SYNE1: variants seen among roughly 807,000 people sequenced by gnomAD.
The protein encoded by SYNE1 is spectrin repeat containing nuclear envelope protein 1, also known as nesprin-1.
SYNE1 carries 616 observed loss-of-function variants against 1,111.0 expected under a neutral mutation model. The ratio of observed to expected loss-of-function variants is 0.55; its 90% CI spans 0.52 to 0.59. The LOEUF is 0.59. Ranked by LOEUF, SYNE1 falls within the 20% of genes least tolerant of loss-of-function variation. SYNE1 has a pLI of 0.00. For synonymous variants in SYNE1, 3,855 were observed against 3,825.8 expected, an observed-to-expected ratio of 1.01 and a Z score of -0.28; for missense variants, 10,006 against 10,417.0, an observed-to-expected ratio of 0.96 and a Z score of 1.72.
chr6:152,194,301 T>C (rs975676979), intron 127 of SYNE1, among the ~76,000 whole-genome samples: 2 of 152,222 alleles, frequency 1.3e-5, no homozygotes, highest in African/African-American at 4.8e-5. Context: ...CAGGTTTTTT[T>C]CTTCAGCACC....
intron 14 of SYNE1, among the ~76,000 whole-genome samples, chr6:152,482,364 TG>T (rs1443077841): frequency 6.6e-6 from 1 of 152,230 alleles, no homozygotes; most frequent in Non-Finnish European, 1.5e-5. Context: ...AAAATATACA[TG>T]GGCTATACAT....
In SYNE1 at chr6:152,323,681, T is replaced by G. The variant is rs1401154492; in HGVS notation, c.15714A>C (p.Ser5238=). The change falls in exon 82 of 146, where the codon TCA becomes TCC. Residue 5238 remains serine, a synonymous_variant. Transcript: ENST00000367255. Reference sequence around the variant, plus strand: ...GCTCTGCTTTCGATGCTTTCTCTGCTGAACTTCCAGGTAACTTATCTTGCA... The same window carrying G: ...GCTCTGCTTTCGATGCTTTCTCTGCGGAACTTCCAGGTAACTTATCTTGCA... ...DQLQDKLPGS[S]AEKASKAELL... 6.2e-6 allele frequency: 10 copies of G among 1,614,138 alleles called. No individual in the cohort carries two copies. In the African/African-American group the frequency reaches 1.3e-4, roughly 22 times the overall value.
At chr6:152,557,491 TA>T in intron 3 of SYNE1, among the ~76,000 whole-genome samples, 1 of 151,716 alleles carries the variant, frequency 6.6e-6, no homozygotes. Flanking sequence ...AGATTAAACA[TA>T]AAGAGATCTT....
chr6:152,143,990 G>A (rs1395392649), intron 137 of SYNE1: 6 of 576,252 alleles, frequency 1.0e-5, no homozygotes, highest in African/African-American at 3.8e-5. Flanking sequence ...ATCGGACGTC[G>A]CAAAACGGCT....
chr6:152,247,779 ACAT>A (rs1323195859), intron 105 of SYNE1, among the ~76,000 whole-genome samples: 4 of 144,632 alleles, frequency 2.8e-5, no homozygotes, highest in Non-Finnish European at 6.0e-5. Flanking sequence ...ACACACACAC[ACAT>A]ATATTTTTAA....
chr6:152,587,662 A>T (rs6931271), intron 3 of SYNE1, among the ~76,000 whole-genome samples: 2 of 152,064 alleles, frequency 1.3e-5, no homozygotes, highest in African/African-American at 2.4e-5. Context: ...TCCCCTTCCC[A>T]CATCCTCTCT....
At chr6:152,269,034 A>T in intron 99 of SYNE1, 121 bp downstream of exon 99, 1 of 1,443,916 alleles carries the variant, frequency 6.9e-7, no homozygotes, top group Non-Finnish European at 9.6e-7. Flanking sequence ...TCATTCAAAG[A>T]GAAGATAAAG....
chr6:152,481,580 C>T (rs963084049), intron 14 of SYNE1: 8 of 450,696 alleles, frequency 1.8e-5, no homozygotes, highest in African/African-American at 1.4e-4. Context: ...AAACAAATGC[C>T]AGTTAAGGTA....
chr6:152,626,259 G>C (rs2099685502), intron 3 of SYNE1, among the ~76,000 whole-genome samples: 2 of 150,292 alleles, frequency 1.3e-5, no homozygotes, highest in African/African-American at 4.8e-5. Flanking sequence ...CAAATTTGCT[G>C]TTTGCAACTT....
chr6:152,262,122 C>T lies in SYNE1; in HGVS notation c.18882G>A (p.Gln6294=), dbSNP rs1235531440. The T allele has an allele frequency of 6.2e-6, 10 of 1,613,920 alleles. No homozygotes were observed. Among genetic ancestry groups the T allele is most frequent in the South Asian group, 1.1e-5 (1 of 91,084 alleles). The stretch of plus-strand genomic sequence containing the variant: ...GTAGGCTTTCCCATTTCATTCTCAT[C>T]TGGTCTTCAGCGGATGATTTCTCCC... ...MEGEKSSAED[Q]MRMKWESLHQ... is the part of the protein sequence containing the mutation. The change falls in exon 101 of 146, where the codon CAG becomes CAA. Residue 6294 remains glutamine, a synonymous_variant. Transcript: ENST00000367255.
Position 152,309,818 on chromosome 6 carries a change from G to A in SYNE1, c.17202+17C>T, listed in dbSNP as rs1160853796. ...TCATCAGCAATTGCTCTACTGGTGTGGGTACCCTGCACCTGCCTGCATGAT... is the reference window on the plus strand; with the variant it reads ...TCATCAGCAATTGCTCTACTGGTGTAGGTACCCTGCACCTGCCTGCATGAT... On this transcript the variant is annotated intron_variant, in intron 90 of 145. Transcript: ENST00000367255. 5.6e-6 allele frequency: 9 copies of A among 1,613,046 alleles called. No homozygotes were observed. The highest frequency in any genetic ancestry group is 7.6e-6 in the Non-Finnish European group (9 of 1,179,984).
chr6:152,356,649 C>T (rs1034175039), intron 66 of SYNE1, among the ~76,000 whole-genome samples: 2 of 151,978 alleles, frequency 1.3e-5, no homozygotes, highest in Non-Finnish European at 2.9e-5. Context: ...AATCCCTACA[C>T]CATGTACATG....
chr6:152,247,855 AACACACACAC>A (rs10592346), intron 105 of SYNE1, among the ~76,000 whole-genome samples: 22 of 89,850 alleles, frequency 2.4e-4, no homozygotes, highest in Non-Finnish European at 1.5e-4. Context: ...GGTGTTCTTT[AACACACACAC>A]ACACACACAC....
chr6:152,122,552 C>T lies in SYNE1; in HGVS notation c.26278G>A (p.Gly8760Arg), dbSNP rs758464869. The T allele has an allele frequency of 1.1e-5, 18 of 1,614,010 alleles. No individual in the cohort carries two copies. The highest frequency in any genetic ancestry group is 6.7e-5 in the African/African-American group (5 of 74,904). ...GACATTGGTACAAGGCAGGCAAGCC[C>T]GATGAGGAGGAGCAGGAGAAGCTGA... ...PLQLLLLLLIGLACLVPMSEE... is the reference protein window; with the variant it reads ...PLQLLLLLLIRLACLVPMSEE... Residue 8760 changes from glycine (G) to arginine (R), a missense_variant, in exon 146 of 146, where the codon GGG becomes AGG. Coordinates refer to ENST00000367255, the MANE Select transcript of SYNE1 (RefSeq NM_182961.4).
chr6:152,594,554 G>A (rs1405981105), intron 3 of SYNE1, among the ~76,000 whole-genome samples: 1 of 152,132 alleles, frequency 6.6e-6, no homozygotes, highest in African/African-American at 2.4e-5. Flanking sequence ...TTATTTTGAT[G>A]CTACACAAGA....
chr6:152,450,612 A>G lies in SYNE1; in HGVS notation c.3395+13T>C, dbSNP rs776289475. ...TTGACTACACCCCTCTCTGGAGGCCATTCTGAGGCTACCTGCTAGTGTAGT... is the reference window on the plus strand; with the variant it reads ...TTGACTACACCCCTCTCTGGAGGCCGTTCTGAGGCTACCTGCTAGTGTAGT... On this transcript the variant is annotated intron_variant, in intron 27 of 145. Coordinates refer to ENST00000367255, the MANE Select transcript of SYNE1 (RefSeq NM_182961.4). The G allele has an allele frequency of 6.2e-7, 1 of 1,613,184 alleles. No homozygotes were observed. The highest frequency in any genetic ancestry group is 2.2e-5 in the East Asian group (1 of 44,882).
intron 78 of SYNE1, 107 bp downstream of exon 78, chr6:152,329,623 G>C: frequency 7.0e-7 from 1 of 1,422,600 alleles, no homozygotes; most frequent in Non-Finnish European, 9.8e-7. Flanking sequence ...GTAGTATTTC[G>C]AAAGAAATAT....
Position 152,397,133 on chromosome 6 carries a change from G to A in SYNE1, c.7351-153C>T, listed in dbSNP as rs1042990615. 3 of 758,566 alleles carry A rather than the reference G, an allele frequency of 4.0e-6. No homozygotes were observed. The Admixed American group carries it at 6.2e-5, about 16-fold the overall frequency. 47.0% of individuals were successfully genotyped at this position (758,566 alleles called of 1,614,324 possible). On this transcript the variant is annotated intron_variant, in intron 49 of 145. Transcript: ENST00000367255. ...ATGCATACAATTGGGCACAACCAAG[G>A]CTCCTCATTGAGAATGGTGTCAGCC... is the stretch of plus-strand genomic sequence containing the variant.
chr6:152,289,925 C>CT (rs71017532), intron 95 of SYNE1, among the ~76,000 whole-genome samples: 17,654 of 129,880 alleles, frequency 0.14, 1,405 homozygotes, highest in Non-Finnish European at 0.18. Flanking sequence ...CGCGCCCAGC[C>CT]TTTTTTTTTT....
Sources: allele counts gnomAD v4.1 joint callset (sites outside exome capture counted in the v4.1 genomes callset), GRCh38; gene constraint gnomAD v4.1.1; transcripts MANE v1.5; gene names NCBI Gene and HGNC (gene_info 2026-07-23, HGNC 2026-07-21).